Variants in PALB2 observed in about 807,000 individuals in gnomAD.
The protein encoded by PALB2 is mutant partner and localizer of BRCA2.
Under a neutral mutation model 107.4 loss-of-function variants are expected in PALB2, and 82 were observed. The observed-to-expected ratio is 0.76, with a 90% CI of 0.64 to 0.92. PALB2 has a LOEUF of 0.92. Among genes scored for constraint, PALB2 ranks in the 40% least tolerant of loss-of-function variants. PALB2 has a pLI of 0.00. For synonymous variants in PALB2, 489 were observed against 496.8 expected (o/e 0.98, Z 0.21); for missense variants, 1,374 against 1,379.9 (o/e 1.00, Z 0.07).
At chr16:23,609,805 C>A (rs969814937) in intron 11 of PALB2, among the ~76,000 whole-genome samples, 1 of 152,076 alleles carries the variant, frequency 6.6e-6, no homozygotes, top group South Asian at 2.1e-4. Context: ...CGTGAGCCAC[C>A]GCGCCTGGCC....
intron 10 of PALB2, among the ~76,000 whole-genome samples, chr16:23,621,107 G>A (rs1027858951): frequency 6.6e-6 from 1 of 152,200 alleles, no homozygotes; most frequent in African/African-American, 2.4e-5. Flanking sequence ...CTACTCGGGA[G>A]GCTGAGGCAG....
chr16:23,623,956 C>G (rs1432116303), intron 8 of PALB2, 53 bp downstream of exon 8: 1 of 1,276,460 alleles, frequency 7.8e-7, no homozygotes, highest in African/African-American at 1.5e-5. Context: ...TTAAAACCAG[C>G]TGACAGAGAC....
At chr16:23,605,893 T>C (rs414000) in intron 12 of PALB2, 19,862 of 152,108 alleles carry the variant, frequency 0.13, 1,593 homozygotes, top group African/African-American at 0.22. Flanking sequence ...AGCCAGGAAA[T>C]GGGCTCTCAC....
chr16:23,606,242 TAAA>T (rs113443918), intron 12 of PALB2, among the ~76,000 whole-genome samples: 2 of 143,666 alleles, frequency 1.4e-5, no homozygotes, highest in African/African-American at 5.1e-5. Flanking sequence ...CTTAGGTTCT[TAAA>T]AAAAAAAAAA....
At chr16:23,638,388 C>G in intron 1 of PALB2, 1 of 540,308 alleles carries the variant, frequency 1.9e-6, no homozygotes, top group Non-Finnish European at 3.3e-6. Context: ...TTTTATTTCC[C>G]TGGGATAGAC....
At position 23,636,236 on chromosome 16, in the gene PALB2, G is replaced by A. The variant is rs1967055763; in HGVS notation, c.310C>T (p.Pro104Ser). The A allele has an allele frequency of 2.5e-6, 4 of 1,613,780 alleles. No individual in the cohort carries two copies. Among genetic ancestry groups the A allele is most frequent in the Non-Finnish European group, 3.4e-6 (4 of 1,179,950 alleles). ...EKTSITLDVGPESFNPGDGPG... is the reference protein window; with the variant it reads ...EKTSITLDVGSESFNPGDGPG... ...CCATCTCCAGGGTTAAAGGACTCAG[G>A]CCCAACATCAAGTGTGATAGATGTC... Residue 104 changes from proline (P) to serine (S), a missense_variant, in exon 4 of 13, where the codon CCT (proline) becomes TCT (serine). Transcript: ENST00000261584.
chr16:23,634,926 GTTAACAATC>G lies in PALB2; in HGVS notation c.1611_1619del (p.Ile538_Asn540del). The G allele has an allele frequency of 1.2e-6, 2 of 1,614,134 alleles. No homozygotes were observed. The highest frequency in any genetic ancestry group is 1.7e-6 in the Non-Finnish European group (2 of 1,180,024). ...GTGAGGTGACTTCTTCCTTGGACCT[GTTAACAATC>G]GACAGGCTAGAAGTTGGCAAAAGTG... On this transcript the variant is annotated inframe_deletion, in exon 4 of 13. Coordinates refer to ENST00000261584, the MANE Select transcript of PALB2 (RefSeq NM_024675.4).
At chr16:23,604,508 TGTAATCCCAGCACTTTG>T (rs1443908332) in intron 12 of PALB2, among the ~76,000 whole-genome samples, 3 of 152,180 alleles carry the variant, frequency 2.0e-5, no homozygotes, top group African/African-American at 4.8e-5. Flanking sequence ...GGCTCACGCC[TGTAATCCCAGCACTTTG>T]GGAGGCCAAG....
chr16:23,636,327 T>G lies in PALB2; in HGVS notation c.219A>C (p.Lys73Asn), dbSNP rs1172090595. ...ACTTGTCATAAACACATATTTTATT[T>G]TTAGGTTCTGAGGAGGAAAAAAATG... ...LSPQLKHSEP[K>N]NKICVYDKLH... Residue 73 changes from lysine (K) to asparagine (N), a missense_variant, in exon 4 of 13, where the codon AAA becomes AAC. Lys to Asn is a moderately conservative substitution (Grantham distance 94). Coordinates refer to ENST00000261584, the MANE Select transcript of PALB2 (RefSeq NM_024675.4). 1 of 1,605,330 alleles carries G rather than the reference T, an allele frequency of 6.2e-7. No homozygotes were observed. Among genetic ancestry groups the G allele is most frequent in the African/African-American group, 1.3e-5 (1 of 74,810 alleles).
intron 11 of PALB2, among the ~76,000 whole-genome samples, chr16:23,612,950 A>C (rs1347804978): frequency 6.7e-6 from 1 of 150,086 alleles, no homozygotes; most frequent in Non-Finnish European, 1.5e-5. Context: ...GTGGGCTTTC[A>C]CCATATTGGT....
rs146434474 is a variant in PALB2, at chr16:23,635,209, T to A, written c.1337A>T (p.Asp446Val). 19 of 1,614,132 alleles carry A rather than the reference T, an allele frequency of 1.2e-5. No individual in the cohort carries two copies. The African/African-American group carries it at 2.4e-4, about 20-fold the overall frequency. Residue 446 changes from aspartate (D) to valine (V), a missense_variant, in exon 4 of 13, where the codon GAT becomes GTT. Transcript: ENST00000261584. ...GGAAAGGTTTAAATTTTTACTTGCATCCTTATTTTTATTTTTAAACCCTTT... is the reference window on the plus strand; with the variant it reads ...GGAAAGGTTTAAATTTTTACTTGCAACCTTATTTTTATTTTTAAACCCTTT... ...KKKGFKNKNK[D>V]ASKNLNLSNE...
intron 11 of PALB2, among the ~76,000 whole-genome samples, chr16:23,608,799 T>TACACAC (rs1309453906): frequency 2.6e-5 from 3 of 115,072 alleles, no homozygotes; most frequent in African/African-American, 3.4e-5. Flanking sequence ...TGTGTATATA[T>TACACAC]ATACACACAC....
chr16:23,603,730 A>C, intron 12 of PALB2, 61 bp from the exon 13 acceptor site: 1 of 1,494,782 alleles, frequency 6.7e-7, no homozygotes, highest in South Asian at 1.2e-5. Context: ...TTAAAAAAAA[A>C]AAAAAGGTCA....
In PALB2 at chr16:23,634,982, G is replaced by A. The variant is rs373876101; in HGVS notation, c.1564C>T (p.Pro522Ser). The A allele has an allele frequency of 2.7e-5, 44 of 1,614,152 alleles. No homozygotes were observed. The African/African-American group carries it at 5.1e-4, about 19-fold the overall frequency. Residue 522 changes from proline to serine, a missense_variant, in exon 4 of 13, where the codon CCA becomes TCA. Transcript: ENST00000261584. ...YTGKRKSACT[P>S]ASDHCEPLLP... ...AGTGGTTCACAATGATCTGATGCTGGGGTGCAGGCTGATTTTCTTTTTCCT... is the reference window on the plus strand; with the variant it reads ...AGTGGTTCACAATGATCTGATGCTGAGGTGCAGGCTGATTTTCTTTTTCCT...
In PALB2 at chr16:23,626,316, C is replaced by T. The variant is rs1555459971; in HGVS notation, c.2668G>A (p.Ala890Thr). 3 of 1,614,150 alleles carry T rather than the reference C, an allele frequency of 1.9e-6. No homozygotes were observed. The highest frequency in any genetic ancestry group is 3.3e-4 in the Middle Eastern group (2 of 6,062). The change falls in exon 7 of 13, where the codon GCT becomes ACT. Residue 890 changes from alanine to threonine, a missense_variant. Coordinates refer to ENST00000261584, the MANE Select transcript of PALB2 (RefSeq NM_024675.4). ...CAAAGAGAAACTACATCTTCGCAAG[C>T]AGTTATGATACATGGCTCTTTACAA... ...AGCKEPCIIT[A>T]CEDVVSLWKA...
At chr16:23,611,148 T>C (rs1234388054) in intron 11 of PALB2, among the ~76,000 whole-genome samples, 2 of 151,938 alleles carry the variant, frequency 1.3e-5, no homozygotes, top group Non-Finnish European at 2.9e-5. Flanking sequence ...GTTGTTGTTG[T>C]TGTTCTTTTG....
At chr16:23,619,611 T>C (rs1208646846) in intron 10 of PALB2, among the ~76,000 whole-genome samples, 1 of 152,168 alleles carries the variant, frequency 6.6e-6, no homozygotes, top group Non-Finnish European at 1.5e-5. Context: ...TACAGTGATA[T>C]TAATATGTTG....
rs786201384 is a variant in PALB2 at position 23,623,052 on chromosome 16, G to A, written c.2913C>T (p.Gly971=). The change falls in exon 9 of 13, where the codon GGC becomes GGT. Residue 971 remains glycine (G), a synonymous_variant. Coordinates refer to ENST00000261584, the MANE Select transcript of PALB2 (RefSeq NM_024675.4). ...TACTAACTAGCCTCCTCTTTGTCAG[G>A]CCAAGCACAGCTTTTATATTTCCAG... is the stretch of plus-strand genomic sequence containing the variant. ...LKSGNIKAVL[G]LTKRRLVSSS... 1 of 1,613,994 alleles carries A rather than the reference G, an allele frequency of 6.2e-7. No individual in the cohort carries two copies. The highest frequency in any genetic ancestry group is 1.7e-5 in the Admixed American group (1 of 59,992).
At chr16:23,610,495 G>C (rs911059315) in intron 11 of PALB2, among the ~76,000 whole-genome samples, 3 of 151,518 alleles carry the variant, frequency 2.0e-5, no homozygotes, top group African/African-American at 7.3e-5. Context: ...TTTTAGGAGA[G>C]ACGGAGTTTC....
Sources: allele counts gnomAD v4.1 joint callset (sites outside exome capture counted in the v4.1 genomes callset), GRCh38; gene constraint gnomAD v4.1.1; transcripts MANE v1.5; gene names NCBI Gene and HGNC (gene_info 2026-07-23, HGNC 2026-07-21).